The following ZMYND8 variants were observed in gnomAD, a reference collection of about 807,000 sequenced individuals.
ZMYND8 encodes the protein MYND-type zinc finger-containing chromatin reader ZMYND8.
A neutral mutation model predicts 140.8 loss-of-function variants in ZMYND8; 37 were observed. The observed-to-expected ratio is 0.26, with a 90% CI of 0.20 to 0.35. ZMYND8 has a LOEUF of 0.35. Among genes scored for constraint, ZMYND8 ranks in the 10% least tolerant of loss-of-function variants. The pLI, the probability that ZMYND8 is intolerant of heterozygous loss-of-function variation, is 1.00. For synonymous variants in ZMYND8, 592 were observed against 597.1 expected (o/e 0.99, Z 0.12); for missense variants, 1,068 against 1,570.0 (o/e 0.68, Z 5.40).
chr20:47,265,367 G>A (rs993168349), intron 11 of ZMYND8, among the ~76,000 whole-genome samples: 8 of 152,228 alleles, frequency 5.3e-5, no homozygotes, highest in Middle Eastern at 3.4e-3. Context: ...ACAAAAACAC[G>A]CAAAGATGCT....
chr20:47,334,960 C>A (rs372914341), intron 2 of ZMYND8, among the ~76,000 whole-genome samples: 21 of 151,796 alleles, frequency 1.4e-4, no homozygotes, highest in African/African-American at 4.6e-4. Flanking sequence ...AAATGGAGAA[C>A]TGGGCCCAGG....
intron 2 of ZMYND8, among the ~76,000 whole-genome samples, chr20:47,337,879 A>C (rs914742764): frequency 4.6e-5 from 7 of 152,098 alleles, no homozygotes; most frequent in African/African-American, 1.7e-4. Context: ...CTTGGGAATT[A>C]CTCAGTTAAT....
chr20:47,329,169 G>A (rs1476376722), intron 2 of ZMYND8, among the ~76,000 whole-genome samples: 1 of 152,176 alleles, frequency 6.6e-6, no homozygotes, highest in African/African-American at 2.4e-5. Flanking sequence ...GTTCAGTGCT[G>A]TGTCCCCTGG....
rs775635430 is a variant in ZMYND8 at position 47,276,482 on chromosome 20, C to T, written c.1312G>A (p.Gly438Arg). ...AAGGAAATCCGGCGGCCTGTGCCCC[C>T]ACTCAGCACAGGCTTGCTCATCAGG... ...KILMSKPVLS[G>R]GTGRRISLSD... The change falls in exon 11 of 23, where the codon GGG becomes AGG. Residue 438 changes from glycine to arginine, a missense_variant. Coordinates refer to ENST00000471951, the MANE Select transcript of ZMYND8 (RefSeq NM_001281775.3). The T allele has an allele frequency of 6.2e-7, 1 of 1,614,070 alleles. No homozygotes were observed. Among genetic ancestry groups the T allele is most frequent in the Non-Finnish European group, 8.5e-7 (1 of 1,180,012 alleles).
intron 10 of ZMYND8, among the ~76,000 whole-genome samples, chr20:47,279,135 G>T (rs1401898445): frequency 6.6e-6 from 1 of 152,036 alleles, no homozygotes; most frequent in Non-Finnish European, 1.5e-5. Context: ...TATTTTCCAT[G>T]AAATTGCTTG....
intron 10 of ZMYND8, among the ~76,000 whole-genome samples, chr20:47,281,169 C>G (rs941732602): frequency 6.6e-6 from 1 of 152,194 alleles, no homozygotes; most frequent in Non-Finnish European, 1.5e-5. Context: ...AAATCCAGCA[C>G]CATCTCAATA....
rs190346139 is a variant in ZMYND8, at chr20:47,243,204, A to G, written c.2284+2804T>C. Among the ~76,000 whole-genome samples, 960 of 152,360 alleles carry G rather than the reference A, an allele frequency of 6.3e-3. 8 individuals carry two copies. The highest frequency in any genetic ancestry group is 0.022 in the African/African-American group (927 of 41,582). ...AGTGGAAGGTAAGCTGGAGGTCACAACAGCGCAATCCAAAATGCCCTTCAC... is the reference window on the plus strand; with the variant it reads ...AGTGGAAGGTAAGCTGGAGGTCACAGCAGCGCAATCCAAAATGCCCTTCAC... On this transcript the variant is annotated intron_variant, in intron 14 of 22. Coordinates refer to ENST00000471951, the MANE Select transcript of ZMYND8 (RefSeq NM_001281775.3).
chr20:47,350,735 CCTTCCATATCTGCTAG>C (rs1337114366), intron 1 of ZMYND8, among the ~76,000 whole-genome samples: 1 of 152,200 alleles, frequency 6.6e-6, no homozygotes, highest in Non-Finnish European at 1.5e-5. Context: ...CAGCTTATTT[CCTTCCATATCTGCTAG>C]CTTCCAGCAA....
At chr20:47,299,160 C>T (rs6063098) in intron 3 of ZMYND8, among the ~76,000 whole-genome samples, 1 of 152,074 alleles carries the variant, frequency 6.6e-6, no homozygotes. Flanking sequence ...TAAGAGGCCA[C>T]GATTAAAAGC....
In ZMYND8 at chr20:47,343,272, G is replaced by A. The variant is rs552170046; in HGVS notation, c.85+4584C>T. 2.0e-5 allele frequency among the ~76,000 whole-genome samples: 3 copies of A among 152,288 alleles called. No homozygotes were observed. In the South Asian group the frequency reaches 6.2e-4, roughly 32 times the overall value. ...TGCACTCCAGCCTGGGCAGCAGAAC[G>A]AGGCTGTCTCAAACGAACAAATAAA... On this transcript the variant is annotated intron_variant, in intron 2 of 22. Transcript: ENST00000471951.
intron 10 of ZMYND8, 58 bp downstream of exon 10, chr20:47,282,044 A>G (rs528226743): frequency 9.3e-6 from 13 of 1,403,566 alleles, no homozygotes; most frequent in Admixed American, 5.7e-5. Context: ...TTCTTATCTC[A>G]TAACAGTATC....
chr20:47,312,881 C>A (rs1378796344), intron 2 of ZMYND8, among the ~76,000 whole-genome samples: 1 of 152,078 alleles, frequency 6.6e-6, no homozygotes, highest in Non-Finnish European at 1.5e-5. Flanking sequence ...GGGTCCTCAC[C>A]CGACTCTCGC....
chr20:47,259,698 C>T (rs2075014747), intron 12 of ZMYND8, among the ~76,000 whole-genome samples: 1 of 152,124 alleles, frequency 6.6e-6, no homozygotes, highest in African/African-American at 2.4e-5. Flanking sequence ...TCCCAGGGGC[C>T]TCACTCCTGC....
intron 10 of ZMYND8, 92 bp from the exon 11 acceptor site, chr20:47,276,887 G>T: frequency 9.5e-4 from 704 of 737,630 alleles, no homozygotes; most frequent in Non-Finnish European, 1.1e-3. Flanking sequence ...AGCCAAGCAT[G>T]TTTGCCAAGA....
chr20:47,305,440 C>T (rs2078406516), intron 3 of ZMYND8, among the ~76,000 whole-genome samples: 1 of 151,778 alleles, frequency 6.6e-6, no homozygotes. Context: ...GAGGTTTCAC[C>T]ATGTTGCCCA....
At position 47,271,080 on chromosome 20, in the gene ZMYND8, A is replaced by G. The variant is rs558442463; in HGVS notation, c.1480+5234T>C. Among the ~76,000 whole-genome samples, 6 of 152,162 alleles carry G rather than the reference A, an allele frequency of 3.9e-5. No individual in the cohort carries two copies. In the East Asian group the frequency reaches 1.2e-3, roughly 29 times the overall value. ...CGACAGAGTGAGACTCCGTCTAAAA[A>G]GAAAAAAAAAAGAAAGAAAAACCAG... On this transcript the variant is annotated intron_variant, in intron 11 of 22. Transcript: ENST00000471951.
chr20:47,300,884 T>TTGTGTGTG (rs200833449), intron 3 of ZMYND8, among the ~76,000 whole-genome samples: 90 of 130,378 alleles, frequency 6.9e-4, no homozygotes, highest in Admixed American at 2.0e-3. Flanking sequence ...ACAACTAATT[T>TTGTGTGTG]TGTGTGTGTG....
intron 1 of ZMYND8, chr20:47,351,805 A>G: frequency 1.0e-6 from 1 of 985,440 alleles, no homozygotes. Flanking sequence ...TGAAGCTAAA[A>G]TGGTAGCAGT....
intron 2 of ZMYND8, among the ~76,000 whole-genome samples, chr20:47,338,707 A>C (rs1204399308): frequency 6.6e-6 from 1 of 152,076 alleles, no homozygotes; most frequent in Admixed American, 6.6e-5. Context: ...ACATAACGAC[A>C]ACCACCCCAG....
Sources: gnomAD v4.1 joint callset for allele counts (sites outside exome capture counted in the v4.1 genomes callset) on GRCh38, gnomAD v4.1.1 for gene constraint, MANE v1.5 for transcripts, NCBI Gene and HGNC (gene_info 2026-07-23, HGNC 2026-07-21) for gene names.